Variants in ACSL5 observed in about 807,000 individuals in gnomAD.
ACSL5 encodes the protein long-chain-fatty-acid--CoA ligase 5.
Under a neutral mutation model 84.9 loss-of-function variants are expected in ACSL5, and 50 were observed. The observed-to-expected ratio is 0.59, with a 90% confidence interval of 0.47 to 0.75. ACSL5 has a LOEUF of 0.75. Among genes scored for constraint, ACSL5 ranks in the 30% least tolerant of loss-of-function variants. ACSL5 has a pLI of 0.00. For synonymous variants in ACSL5, 280 were observed against 300.7 expected (o/e 0.93, Z 0.71); for missense variants, 775 against 830.4 (o/e 0.93, Z 0.82).
intron 6 of ACSL5, 115 bp from the exon 7 acceptor site, chr10:112,409,392 A>G: frequency 1.2e-6 from 1 of 826,942 alleles, no homozygotes; most frequent in Non-Finnish European, 1.9e-6. Context: ...TGCAGGTGTA[A>G]TCTCCTTTGG....
chr10:112,418,061 A>T (rs1224296195), intron 14 of ACSL5, 120 bp downstream of exon 14: 1 of 767,066 alleles, frequency 1.3e-6, no homozygotes, highest in African/African-American at 1.8e-5. Context: ...AAATTCTCAA[A>T]ATCCAAAGAA....
At position 112,428,276 on chromosome 10, in the gene ACSL5, C is replaced by T; in HGVS notation, c.*918C>T. The T allele has an allele frequency of 2.6e-6, 1 of 390,006 alleles. No individual in the cohort carries two copies. Among genetic ancestry groups the T allele is most frequent in the Non-Finnish European group, 4.5e-6 (1 of 220,992 alleles). 24.2% of individuals were successfully genotyped at this position (390,006 alleles called of 1,614,324 possible). A position where few individuals can be genotyped will look rare whatever the true frequency, so the allele number is the denominator to read the frequency against. ...TTCTGTGAAGGAACCAACTGATCTC[C>T]CCCACCCTTGGATTAGAGTTCCTGC... On this transcript the variant is annotated 3_prime_UTR_variant, in exon 21 of 21. Transcript: ENST00000354655.
chr10:112,420,742 T>G (rs547419404), intron 14 of ACSL5, among the ~76,000 whole-genome samples: 1 of 152,108 alleles, frequency 6.6e-6, no homozygotes, highest in Non-Finnish European at 1.5e-5. Flanking sequence ...TTTTGAGATG[T>G]AGTCTCGCTC....
intron 1 of ACSL5, among the ~76,000 whole-genome samples, chr10:112,380,025 AC>A (rs1849318665): frequency 6.6e-6 from 1 of 152,104 alleles, no homozygotes; most frequent in Non-Finnish European, 1.5e-5. Context: ...TGGACTTCTG[AC>A]ACTGCTTCTT....
intron 1 of ACSL5, among the ~76,000 whole-genome samples, chr10:112,375,882 T>G (rs1250049829): frequency 6.6e-6 from 1 of 152,128 alleles, no homozygotes; most frequent in African/African-American, 2.4e-5. Flanking sequence ...AAGGTGTTTG[T>G]GTGGGTCTGA....
In ACSL5 at chr10:112,404,800, G is replaced by C; in HGVS notation, c.426G>C (p.Arg142Ser). The C allele has an allele frequency of 6.2e-7, 1 of 1,612,002 alleles. No individual in the cohort carries two copies. Among genetic ancestry groups the C allele is most frequent in the South Asian group, 1.1e-5 (1 of 90,914 alleles). ...DQFVGIFAQN[R>S]PEWIISELAC... ...TTGTCGGCATCTTTGCTCAGAATAG[G>C]CCAGAGGTAACTATGTTGAAGTTAA... The change falls in exon 5 of 21, where the codon AGG (arginine) becomes AGC (serine). Residue 142 changes from arginine (R) to serine (S), a missense_variant. Arg to Ser is a moderately radical substitution (Grantham distance 110, BLOSUM62 -1). Transcript: ENST00000354655.
At chr10:112,405,878 T>C (rs1205578138) in intron 5 of ACSL5, among the ~76,000 whole-genome samples, 1 of 152,178 alleles carries the variant, frequency 6.6e-6, no homozygotes, top group African/African-American at 2.4e-5. Flanking sequence ...AAAATGTATA[T>C]ACTATTCATT....
chr10:112,394,996 T>C lies in ACSL5; in HGVS notation c.50T>C (p.Leu17Ser), dbSNP rs566400893. The C allele has an allele frequency of 6.2e-7, 1 of 1,614,146 alleles. No homozygotes were observed. Among genetic ancestry groups the C allele is most frequent in the African/African-American group, 1.3e-5 (1 of 75,062 alleles). ...TTTTCCCCACTTCCGACCCCGGCGT[T>C]GATCTGCATCCTGACATTTGGAGCT... ...FLFSPLPTPA[L>S]ICILTFGAAI... The change falls in exon 2 of 21, where the codon TTG (leucine) becomes TCG (serine). Residue 17 changes from leucine (L) to serine (S), a missense_variant. Transcript: ENST00000354655.
chr10:112,422,538 C>A, intron 17 of ACSL5, 97 bp downstream of exon 17: 3 of 1,115,370 alleles, frequency 2.7e-6, no homozygotes, highest in East Asian at 2.4e-5. Context: ...GTAGGTTAAT[C>A]AGCTGAGGCA....
intron 12 of ACSL5, 39 bp from the exon 13 acceptor site, chr10:112,416,849 C>G (rs745932377): frequency 1.2e-6 from 2 of 1,609,036 alleles, no homozygotes; most frequent in Non-Finnish European, 1.7e-6. Flanking sequence ...ATGAGTATCT[C>G]CAATAGGTTT....
intron 3 of ACSL5, among the ~76,000 whole-genome samples, chr10:112,399,293 G>T (rs1157512812): frequency 6.6e-6 from 1 of 152,158 alleles, no homozygotes; most frequent in Non-Finnish European, 1.5e-5. Context: ...CAAGAAGAAC[G>T]TCCCTGCCAA....
At chr10:112,411,615 C>A in intron 10 of ACSL5, 86 bp downstream of exon 10, 1 of 1,160,254 alleles carries the variant, frequency 8.6e-7, no homozygotes, top group Non-Finnish European at 1.3e-6. Context: ...CAGGCAGACA[C>A]ACACACACAC....
In ACSL5 at chr10:112,413,216, G is replaced by A; in HGVS notation, c.992G>A (p.Gly331Glu). ...SCGARVGFFQ[G>E]DIRLLADDMK... ...GGAGCCAGAGTTGGATTCTTCCAAGGGGATATTCGGTTGCTGGCTGACGAC... is the reference window on the plus strand; with the variant it reads ...GGAGCCAGAGTTGGATTCTTCCAAGAGGATATTCGGTTGCTGGCTGACGAC... The change falls in exon 12 of 21, where the codon GGG (glycine) becomes GAG (glutamate). Residue 331 changes from glycine (G) to glutamate (E), a missense_variant. Gly to Glu is a moderately conservative substitution (Grantham distance 98). Transcript: ENST00000354655. The A allele has an allele frequency of 6.2e-7, 1 of 1,614,178 alleles. No homozygotes were observed. Among genetic ancestry groups the A allele is most frequent in the Non-Finnish European group, 8.5e-7 (1 of 1,180,006 alleles).
At chr10:112,421,414 G>A (rs1321114446) in intron 14 of ACSL5, among the ~76,000 whole-genome samples, 179 bp from the exon 15 acceptor site, 1 of 152,114 alleles carries the variant, frequency 6.6e-6, no homozygotes, top group Non-Finnish European at 1.5e-5. Flanking sequence ...TCCCGCCTCG[G>A]CCTCCCAAAG....
At position 112,395,003 on chromosome 10, in the gene ACSL5, C is replaced by G. The variant is rs780692670; in HGVS notation, c.57C>G (p.Cys19Trp). 35 of 1,614,016 alleles carry G rather than the reference C, an allele frequency of 2.2e-5. No homozygotes were observed. Among genetic ancestry groups the G allele is most frequent in the Non-Finnish European group, 2.9e-5 (34 of 1,179,992 alleles). The change falls in exon 2 of 21, where the codon TGC (cysteine) becomes TGG (tryptophan). Residue 19 changes from cysteine to tryptophan, a missense_variant. Cys to Trp is a radical substitution (Grantham distance 215). Transcript: ENST00000354655. ...CACTTCCGACCCCGGCGTTGATCTG[C>G]ATCCTGACATTTGGAGCTGCCATCT... ...FSPLPTPALICILTFGAAIFL... is the reference protein window; with the variant it reads ...FSPLPTPALIWILTFGAAIFL...
chr10:112,379,638 A>C (rs1163468664), intron 1 of ACSL5, among the ~76,000 whole-genome samples: 1 of 152,208 alleles, frequency 6.6e-6, no homozygotes, highest in Admixed American at 6.5e-5. Context: ...TTCTACACAC[A>C]GCATCTCCTT....
intron 13 of ACSL5, 42 bp downstream of exon 13, chr10:112,417,064 G>C (rs183745492): frequency 1.3e-6 from 2 of 1,599,906 alleles, no homozygotes; most frequent in East Asian, 2.3e-5. Flanking sequence ...CAAATACCTG[G>C]GCTGCCTTCT....
rs1178224793 is a variant in ACSL5 at position 112,401,786 on chromosome 10, C to CTCTTTCTTTCTT, written c.266-2680_266-2669dup. 3.7e-3 allele frequency among the ~76,000 whole-genome samples: 446 copies of CTCTTTCTTTCTT among 119,436 alleles called. 4 individuals carry two copies. Among genetic ancestry groups the CTCTTTCTTTCTT allele is most frequent in the Non-Finnish European group, 3.0e-3 (172 of 58,066 alleles). 78.4% of individuals were successfully genotyped at this position (119,436 alleles called of 152,430 possible). On this transcript the variant is annotated intron_variant, in intron 3 of 20. Coordinates refer to ENST00000354655, the MANE Select transcript of ACSL5 (RefSeq NM_203379.2). ...TTTCTTTCTTTCTTTTTCTTTCTTT[C>CTCTTTCTTTCTT]TCTTTCTTTCTTTCTTTCTTTCTTT...
At position 112,384,336 on chromosome 10, in the gene ACSL5, C is replaced by T. The variant is rs530504087; in HGVS notation, c.-30+10067C>T. Among the ~76,000 whole-genome samples, 25 of 152,216 alleles carry T rather than the reference C, an allele frequency of 1.6e-4. No individual in the cohort carries two copies. In the East Asian group the frequency reaches 2.1e-3, roughly 13 times the overall value. ...AACTCCCCAATATAATGCAATCTCA[C>T]GAGGGCAGGGTTTTCCCTGCTATAT... On this transcript the variant is annotated intron_variant, in intron 1 of 20. Transcript: ENST00000354655.
Sources: gnomAD v4.1 joint callset for allele counts (sites outside exome capture counted in the v4.1 genomes callset) on GRCh38, gnomAD v4.1.1 for gene constraint, MANE v1.5 for transcripts, NCBI Gene and HGNC (gene_info 2026-07-23, HGNC 2026-07-21) for gene names.